COL9A2: variants seen among roughly 807,000 people sequenced by gnomAD.
COL9A2 encodes the protein collagen type IX alpha 2 chain, also known as collagen alpha-2(IX) chain.
COL9A2 carries 66 observed loss-of-function variants against 111.6 expected under a neutral mutation model. That is an observed-to-expected ratio of 0.59 (90% CI 0.48 to 0.73). The LOEUF (loss-of-function observed/expected upper bound fraction) is 0.73. Ranked by LOEUF, COL9A2 falls within the 30% of genes least tolerant of loss-of-function variation. The probability of loss-of-function intolerance (pLI) is 0.00; values close to 1 mark genes in which losing one functional copy is unlikely to be tolerated. For synonymous variants in COL9A2, 353 were observed against 364.1 expected (o/e 0.97, Z 0.35); for missense variants, 881 against 954.1 (o/e 0.92, Z 1.01).
At position 40,310,444 on chromosome 1, in the gene COL9A2, G is replaced by A; in HGVS notation, c.685-127C>T. On this transcript the variant is annotated intron_variant, in intron 13 of 31. Coordinates refer to ENST00000372748, the MANE Select transcript of COL9A2 (RefSeq NM_001852.4). This position sits in a 1 kb window ranked among gnomAD's most constrained non-coding sequence, Gnocchi z 4.9. ...GCAGCAGAGTCTCTGTCTCATGGAT[G>A]GGACATGGAGGTTCAGAGATGAGGA... 1 of 978,072 alleles carries A rather than the reference G, an allele frequency of 1.0e-6. No individual in the cohort carries two copies. The highest frequency in any genetic ancestry group is 1.6e-6 in the Non-Finnish European group (1 of 623,546). The allele number at this position is 978,072 out of a possible 1,614,324, so 60.6% of individuals were successfully genotyped here.
chr1:40,303,936 CT>C lies in COL9A2; in HGVS notation c.1359del (p.Gly454AlafsTer77). On this transcript the variant is annotated frameshift_variant, in exon 26 of 32. Coordinates refer to ENST00000372748, the MANE Select transcript of COL9A2 (RefSeq NM_001852.4). LOFTEE classifies it high-confidence loss of function. The surrounding 1 kb of genome is among the most constrained non-coding windows in gnomAD (Gnocchi z 4.6). ...DPGVAGLPGE[K>X]GEKGESGEPG... Reference sequence around the variant, plus strand: ...CTAGGCCGCGCGCTCACCTTCTCGCCTTTCTCTCCGGGGAGGCCGGCCACCC... The same window carrying C: ...CTAGGCCGCGCGCTCACCTTCTCGCCTTCTCTCCGGGGAGGCCGGCCACCC... 1 of 1,557,672 alleles carries C rather than the reference CT, an allele frequency of 6.4e-7. No individual in the cohort carries two copies. Among genetic ancestry groups the C allele is most frequent in the Non-Finnish European group, 8.7e-7 (1 of 1,150,302 alleles).
chr1:40,302,815 G>T lies in COL9A2; in HGVS notation c.1604-6C>A. The T allele has an allele frequency of 6.9e-7, 1 of 1,441,940 alleles. No homozygotes were observed. Among genetic ancestry groups the T allele is most frequent in the South Asian group, 1.3e-5 (1 of 79,624 alleles). The allele number at this position is 1,441,940 out of a possible 1,614,324, so 89.3% of individuals were successfully genotyped here. A position where few individuals can be genotyped will look rare whatever the true frequency, so the allele number is the denominator to read the frequency against. ...GGCGACCTCTGCCAGTTGCTCTGGA[G>T]GGAGGGAGGGAGGGAGGGAGAGGGA... On this transcript the variant is annotated splice_polypyrimidine_tract_variant and splice_region_variant and intron_variant, in intron 29 of 31. Coordinates refer to ENST00000372748, the MANE Select transcript of COL9A2 (RefSeq NM_001852.4). The surrounding 1 kb of genome is among the most constrained non-coding windows in gnomAD (Gnocchi z 4.5).
chr1:40,314,161 T>C lies in COL9A2; in HGVS notation c.249+44A>G. 2 of 1,603,600 alleles carry C rather than the reference T, an allele frequency of 1.2e-6. No individual in the cohort carries two copies. The highest frequency in any genetic ancestry group is 1.1e-5 in the South Asian group (1 of 90,864). On this transcript the variant is annotated intron_variant, in intron 4 of 31. Coordinates refer to ENST00000372748, the MANE Select transcript of COL9A2 (RefSeq NM_001852.4). The surrounding 1 kb of genome is among the most constrained non-coding windows in gnomAD (Gnocchi z 4.1). ...GCCAGAGCCAGGCCCTGGAGGTCAA[T>C]TGGCAGAGCCCTACCCTGCCCCACC...
In COL9A2 at chr1:40,303,213, G is replaced by C. The variant is rs1489575515; in HGVS notation, c.1549-28C>G. ...GAAAGCAGAGGCCTTTCAGGAAGAA[G>C]CCCCTGGCTACAAGGGCCCACCGCT... On this transcript the variant is annotated intron_variant, in intron 28 of 31. Coordinates refer to ENST00000372748, the MANE Select transcript of COL9A2 (RefSeq NM_001852.4). The surrounding 1 kb of genome is among the most constrained non-coding windows in gnomAD (Gnocchi z 4.6). 1.2e-6 allele frequency: 2 copies of C among 1,602,292 alleles called. No individual in the cohort carries two copies. The highest frequency in any genetic ancestry group is 1.7e-6 in the Non-Finnish European group (2 of 1,173,592).
intron 16 of COL9A2, among the ~76,000 whole-genome samples, chr1:40,309,557 G>A (rs209914): frequency 5.9e-5 from 9 of 151,784 alleles, no homozygotes; most frequent in Non-Finnish European, 1.3e-4. Flanking sequence ...CCAGGGCTTC[G>A]CCTAAAGTCT....
Position 40,302,839 on chromosome 1 carries a change from G to C in COL9A2, c.1604-30C>G. 6.5e-7 allele frequency: 1 copy of C among 1,533,566 alleles called. No individual in the cohort carries two copies. The highest frequency in any genetic ancestry group is 8.8e-7 in the Non-Finnish European group (1 of 1,136,736). 95.0% of individuals were successfully genotyped at this position (1,533,566 alleles called of 1,614,324 possible). A position where few individuals can be genotyped will look rare whatever the true frequency, so the allele number is the denominator to read the frequency against. On this transcript the variant is annotated intron_variant, in intron 29 of 31. Transcript: ENST00000372748. This position sits in a 1 kb window ranked among gnomAD's most constrained non-coding sequence, Gnocchi z 4.5. ...AGGGAGGGAGGGAGGGAGGGAGAGG[G>C]AAGTCTATGAGATGGGTGTCAGCAG... is the stretch of plus-strand genomic sequence containing the variant.
At position 40,300,861 on chromosome 1, in the gene COL9A2, A is replaced by G. The variant is rs1216932712; in HGVS notation, c.*321T>C. 1 of 292,906 alleles carries G rather than the reference A, an allele frequency of 3.4e-6. No individual in the cohort carries two copies. The highest frequency in any genetic ancestry group is 6.6e-6 in the Non-Finnish European group (1 of 151,834). The allele number at this position is 292,906 out of a possible 1,614,324, so 18.1% of individuals were successfully genotyped here. On this transcript the variant is annotated 3_prime_UTR_variant, in exon 32 of 32. Transcript: ENST00000372748. The surrounding 1 kb of genome is among the most constrained non-coding windows in gnomAD (Gnocchi z 4.4). ...CCACTGACCCAAGGACAAGATGGCC[A>G]GTGGAGAAAGGTGCAGATTAAGATG... is the stretch of plus-strand genomic sequence containing the variant.
Position 40,302,548 on chromosome 1 carries a change from G to T in COL9A2, c.1792+73C>A. On this transcript the variant is annotated intron_variant, in intron 30 of 31. Transcript: ENST00000372748. The surrounding 1 kb of genome is among the most constrained non-coding windows in gnomAD (Gnocchi z 4.5). ...AGGGTCTGTATGTCATCCTGAGAAGGGAATGGGGAAAGGGCCGGCCTGGAC... is the reference window on the plus strand; with the variant it reads ...AGGGTCTGTATGTCATCCTGAGAAGTGAATGGGGAAAGGGCCGGCCTGGAC... 1 of 1,496,018 alleles carries T rather than the reference G, an allele frequency of 6.7e-7. No individual in the cohort carries two copies. The allele number at this position is 1,496,018 out of a possible 1,614,324, so 92.7% of individuals were successfully genotyped here. A position where few individuals can be genotyped will look rare whatever the true frequency, so the allele number is the denominator to read the frequency against.
At chr1:40,313,016 G>T (rs1437990703) in intron 4 of COL9A2, among the ~76,000 whole-genome samples, 1 of 152,198 alleles carries the variant, frequency 6.6e-6, no homozygotes, top group Non-Finnish European at 1.5e-5. Context: ...AAAGCCCAAA[G>T]ATTTGGCTTT....
Position 40,302,602 on chromosome 1 carries a change from A to T in COL9A2, c.1792+19T>A, listed in dbSNP as rs756188083. 5.0e-6 allele frequency: 8 copies of T among 1,588,874 alleles called. No homozygotes were observed. The highest frequency in any genetic ancestry group is 6.8e-6 in the Non-Finnish European group (8 of 1,170,788). Reference sequence around the variant, plus strand: ...TCCTCACTGCCTGGCCCCCATGCCCACCGCAGAGGAGCACTCACCCTTGGG... The same window carrying T: ...TCCTCACTGCCTGGCCCCCATGCCCTCCGCAGAGGAGCACTCACCCTTGGG... On this transcript the variant is annotated intron_variant, in intron 30 of 31. Coordinates refer to ENST00000372748, the MANE Select transcript of COL9A2 (RefSeq NM_001852.4). This position sits in a 1 kb window ranked among gnomAD's most constrained non-coding sequence, Gnocchi z 4.5.
At position 40,304,391 on chromosome 1, in the gene COL9A2, C is replaced by T; in HGVS notation, c.1216G>A (p.Gly406Ser). ...VGQPGPQGRQ[G>S]PKGEQGPPGI... is the part of the protein sequence containing the mutation. Reference sequence around the variant, plus strand: ...GGGGGGCCCTGCTCCCCCTTAGGGCCCTGAGGAGAAAAGAAACCAAAGGAA... The same window carrying T: ...GGGGGGCCCTGCTCCCCCTTAGGGCTCTGAGGAGAAAAGAAACCAAAGGAA... The change falls in exon 24 of 32, where the codon GGC becomes AGC. Residue 406 changes from glycine to serine, a missense_variant and splice_region_variant. Transcript: ENST00000372748. 6.2e-7 allele frequency: 1 copy of T among 1,601,570 alleles called. No individual in the cohort carries two copies. The highest frequency in any genetic ancestry group is 8.5e-7 in the Non-Finnish European group (1 of 1,173,862).
In COL9A2 at chr1:40,304,314, T is replaced by G. The variant is rs1353031230; in HGVS notation, c.1287+6A>C. 6.4e-7 allele frequency: 1 copy of G among 1,556,672 alleles called. No individual in the cohort carries two copies. The highest frequency in any genetic ancestry group is 8.7e-7 in the Non-Finnish European group (1 of 1,149,584). The stretch of plus-strand genomic sequence containing the variant: ...TTCCCAGGTGTTTCCCAGCCCCATC[T>G]GGCACCTTGTCTCCTTTGACGCCTG... On this transcript the variant is annotated splice_donor_region_variant and intron_variant, in intron 24 of 31. Coordinates refer to ENST00000372748, the MANE Select transcript of COL9A2 (RefSeq NM_001852.4).
Position 40,302,753 on chromosome 1 carries a change from T to C in COL9A2, c.1660A>G (p.Met554Val). 7.5e-7 allele frequency: 1 copy of C among 1,339,930 alleles called. No individual in the cohort carries two copies. The highest frequency in any genetic ancestry group is 2.1e-5 in the Admixed American group (1 of 46,658). The allele number at this position is 1,339,930 out of a possible 1,614,324, so 83.0% of individuals were successfully genotyped here. The stretch of plus-strand genomic sequence containing the variant: ...CCAGGAGGTCCTGGAGGACCCATCA[T>C]GCCCACCGCACCCAGGGCTTCCCGC... Reference protein sequence around the residue: ...AKREALGAVGMMGPPGPPGPP... With the variant: ...AKREALGAVGVMGPPGPPGPP... Residue 554 changes from methionine (M) to valine (V), a missense_variant, in exon 30 of 32, where the codon ATG becomes GTG. Transcript: ENST00000372748. The surrounding 1 kb of genome is among the most constrained non-coding windows in gnomAD (Gnocchi z 4.5).
chr1:40,305,617 C>A (rs1412637757), intron 21 of COL9A2, 98 bp downstream of exon 21: 3 of 1,128,722 alleles, frequency 2.7e-6, no homozygotes, highest in African/African-American at 3.1e-5. Flanking sequence ...TGGGTCAGGG[C>A]AGAGCCAGAC....
rs140782905 is a variant in COL9A2, at chr1:40,307,308, C to G, written c.1008+138G>C. The G allele has an allele frequency of 1.3e-3, 1,095 of 822,608 alleles. 1 individual carries two copies. The highest frequency in any genetic ancestry group is 9.1e-4 in the East Asian group (34 of 37,542). The allele number at this position is 822,608 out of a possible 1,614,324, so 51.0% of individuals were successfully genotyped here. A position where few individuals can be genotyped will look rare whatever the true frequency, so the allele number is the denominator to read the frequency against. On this transcript the variant is annotated intron_variant, in intron 19 of 31. Coordinates refer to ENST00000372748, the MANE Select transcript of COL9A2 (RefSeq NM_001852.4). This position sits in a 1 kb window ranked among gnomAD's most constrained non-coding sequence, Gnocchi z 4.8. ...TAGAGTAATTGTCCAAGTAATGAAG[C>G]CTTCGCCAGGCCAGGGGCCACAGAG...
intron 19 of COL9A2, 130 bp from the exon 20 acceptor site, chr1:40,306,317 G>C: frequency 1.0e-6 from 1 of 967,314 alleles, no homozygotes; most frequent in Non-Finnish European, 1.6e-6. Flanking sequence ...GTCCAGCCAC[G>C]GCATGATGAA....
Position 40,312,743 on chromosome 1 carries a change from G to T in COL9A2, c.291C>A (p.Ile97=), listed in dbSNP as rs778538501. The change falls in exon 5 of 32, where the codon ATC becomes ATA. Residue 97 remains isoleucine, a synonymous_variant. Transcript: ENST00000372748. The surrounding 1 kb of genome is among the most constrained non-coding windows in gnomAD (Gnocchi z 6.0). Reference sequence around the variant, plus strand: ...GCAGGCCCCTTACCTTGACTCCAGGGATCCCCATGGGGCCAGGCTCCCCCT... The same window carrying T: ...GCAGGCCCCTTACCTTGACTCCAGGTATCCCCATGGGGCCAGGCTCCCCCT... ...GAKGEPGPMG[I]PGVKGQPGLP... 8.4e-6 allele frequency: 13 copies of T among 1,553,600 alleles called. No individual in the cohort carries two copies. Among genetic ancestry groups the T allele is most frequent in the Non-Finnish European group, 9.6e-6 (11 of 1,147,968 alleles).
Position 40,316,539 on chromosome 1 carries a change from G to A in COL9A2, c.75+584C>T. 1 of 449,288 alleles carries A rather than the reference G, an allele frequency of 2.2e-6. No individual in the cohort carries two copies. Among genetic ancestry groups the A allele is most frequent in the Non-Finnish European group, 4.5e-6 (1 of 223,878 alleles). 27.8% of individuals were successfully genotyped at this position (449,288 alleles called of 1,614,324 possible). A position where few individuals can be genotyped will look rare whatever the true frequency, so the allele number is the denominator to read the frequency against. The stretch of plus-strand genomic sequence containing the variant: ...TTTTAAGAGGCCAGCTCGGACCCAG[G>A]CAGGGGTCCCGGTGCCCACGACCTC... On this transcript the variant is annotated intron_variant, in intron 1 of 31. Coordinates refer to ENST00000372748, the MANE Select transcript of COL9A2 (RefSeq NM_001852.4). This position sits in a 1 kb window ranked among gnomAD's most constrained non-coding sequence, Gnocchi z 5.5.
rs1166397972 is a variant in COL9A2, at chr1:40,310,481, C to T, written c.685-164G>A. ...TTCAGAGATGAGGAGGGACTCACTG[C>T]ATTACTCAAAGGGACAGTGGCAGAC... On this transcript the variant is annotated intron_variant, in intron 13 of 31. Coordinates refer to ENST00000372748, the MANE Select transcript of COL9A2 (RefSeq NM_001852.4). This position sits in a 1 kb window ranked among gnomAD's most constrained non-coding sequence, Gnocchi z 4.9. Among the ~76,000 whole-genome samples the T allele has an allele frequency of 2.0e-5, 3 of 152,192 alleles. No homozygotes were observed. The highest frequency in any genetic ancestry group is 4.4e-5 in the Non-Finnish European group (3 of 68,036).
Sources: allele counts gnomAD v4.1 joint callset (sites outside exome capture counted in the v4.1 genomes callset), GRCh38; gene constraint gnomAD v4.1.1; non-coding constraint Gnocchi (gnomAD v3.1); transcripts MANE v1.5; gene names NCBI Gene and HGNC (gene_info 2026-07-23, HGNC 2026-07-21).